SLC3A2: variants seen among roughly 807,000 people sequenced by gnomAD.
SLC3A2 encodes the protein solute carrier family 3 member 2, also known as amino acid transporter heavy chain SLC3A2.
A neutral mutation model predicts 48.5 loss-of-function variants in SLC3A2; 32 were observed. The ratio of observed to expected loss-of-function variants is 0.66; its 90% CI spans 0.50 to 0.89. The LOEUF (loss-of-function observed/expected upper bound fraction) is 0.89. Among genes scored for constraint, SLC3A2 ranks in the 40% least tolerant of loss-of-function variants. SLC3A2 has a pLI of 0.00. For synonymous variants in SLC3A2, 277 were observed against 288.8 expected, an observed-to-expected ratio of 0.96 and a Z score of 0.41; for missense variants, 587 against 680.7, an observed-to-expected ratio of 0.86 and a Z score of 1.53.
At chr11:62,873,259 C>T (rs749525869) in intron 1 of SLC3A2, among the ~76,000 whole-genome samples, 6 of 151,844 alleles carry the variant, frequency 4.0e-5, no homozygotes, top group South Asian at 4.2e-4. Context: ...GAGGCCAAGT[C>T]GGGCAGATCA....
chr11:62,880,210 T>G (rs967484677), upstream of SLC3A2, among the ~76,000 whole-genome samples: 1 of 152,214 alleles, frequency 6.6e-6, no homozygotes, highest in Non-Finnish European at 1.5e-5. Flanking sequence ...AAACCATTCA[T>G]TTTAAAGTAC....
chr11:62,879,928 C>T (rs1028508447), upstream of SLC3A2, among the ~76,000 whole-genome samples: 2 of 152,194 alleles, frequency 1.3e-5, no homozygotes, highest in African/African-American at 4.8e-5. Flanking sequence ...CCTCCAAGGC[C>T]TAACATAGTG....
At chr11:62,863,027 T>C (rs2085418429) in intron 1 of SLC3A2, among the ~76,000 whole-genome samples, 1 of 152,270 alleles carries the variant, frequency 6.6e-6, no homozygotes, top group East Asian at 1.9e-4. Flanking sequence ...GTTCAAGCGA[T>C]TCTCTTGCCT....
intron 5 of SLC3A2, among the ~76,000 whole-genome samples, 154 bp from the exon 6 acceptor site, chr11:62,885,023 G>T (rs905754308): frequency 6.6e-6 from 1 of 151,682 alleles, no homozygotes; most frequent in African/African-American, 2.4e-5. Flanking sequence ...TAGAGACGGG[G>T]TTTCTCCATG....
chr11:62,882,770 G>A, intron 2 of SLC3A2, 138 bp from the exon 3 acceptor site: 1 of 724,948 alleles, frequency 1.4e-6, no homozygotes, highest in Non-Finnish European at 2.4e-6. Context: ...TCAATGGAAT[G>A]AATTTTGCCC....
upstream of SLC3A2, chr11:62,880,411 G>C (rs940679956): frequency 6.6e-6 from 1 of 152,532 alleles, no homozygotes; most frequent in Non-Finnish European, 1.5e-5. Context: ...AAGTCCCAGA[G>C]GCCTGAGAGG....
intron 1 of SLC3A2, among the ~76,000 whole-genome samples, chr11:62,857,350 A>G (rs1048300519): frequency 7.4e-5 from 11 of 149,492 alleles, no homozygotes; most frequent in Admixed American, 7.3e-4. Flanking sequence ...CTCTCGAACT[A>G]CTGACCTCAG....
At chr11:62,859,327 CAT>C (rs2085373154) in intron 1 of SLC3A2, among the ~76,000 whole-genome samples, 1 of 152,196 alleles carries the variant, frequency 6.6e-6, no homozygotes, top group Non-Finnish European at 1.5e-5. Flanking sequence ...TGACACAGCA[CAT>C]GTTTCAGAGA....
chr11:62,866,049 A>G (rs1219628074), intron 1 of SLC3A2, among the ~76,000 whole-genome samples: 1 of 151,320 alleles, frequency 6.6e-6, no homozygotes, highest in Non-Finnish European at 1.5e-5. Context: ...TTCTTGGAAC[A>G]CCATTCTCTG....
At chr11:62,860,693 T>C (rs114168571) in intron 1 of SLC3A2, among the ~76,000 whole-genome samples, 2,641 of 152,226 alleles carry the variant, frequency 0.017, 73 homozygotes, top group African/African-American at 0.059. Context: ...GTCAGGTCTT[T>C]CCATTCCCAT....
upstream of SLC3A2, chr11:62,876,843 C>T: frequency 4.4e-6 from 4 of 899,746 alleles, no homozygotes; most frequent in Non-Finnish European, 5.8e-6. Context: ...CTCAATTGAT[C>T]CGACTGCCTC....
chr11:62,882,188 G>A (rs1281397616), intron 2 of SLC3A2, 122 bp downstream of exon 2: 1 of 1,146,904 alleles, frequency 8.7e-7, no homozygotes, highest in Non-Finnish European at 1.3e-6. Context: ...CAGGTAGAGG[G>A]GAGATTTGTT....
At chr11:62,861,806 T>G (rs1048720996) in intron 1 of SLC3A2, among the ~76,000 whole-genome samples, 8 of 150,242 alleles carry the variant, frequency 5.3e-5, no homozygotes, top group African/African-American at 2.0e-4. Context: ...TTCGAGCTAC[T>G]CAGGAGGCTG....
At chr11:62,859,150 A>T in intron 1 of SLC3A2, among the ~76,000 whole-genome samples, 1 of 152,134 alleles carries the variant, frequency 6.6e-6, no homozygotes. Flanking sequence ...AACCTTGGAC[A>T]ATACCTGGCT....
chr11:62,856,973 G>C (rs1483990315), intron 1 of SLC3A2, among the ~76,000 whole-genome samples: 1 of 151,602 alleles, frequency 6.6e-6, no homozygotes, highest in African/African-American at 2.4e-5. Context: ...ACAGGCATGC[G>C]CCACTGTGAC....
chr11:62,864,826 T>C (rs1478903243), intron 1 of SLC3A2, among the ~76,000 whole-genome samples: 1 of 151,160 alleles, frequency 6.6e-6, no homozygotes, highest in Non-Finnish European at 1.5e-5. Flanking sequence ...TGGAGTGCAG[T>C]GGTGCAATCT....
At chr11:62,870,480 G>C (rs915641981) in intron 1 of SLC3A2, among the ~76,000 whole-genome samples, 2 of 151,866 alleles carry the variant, frequency 1.3e-5, no homozygotes, top group African/African-American at 2.4e-5. Context: ...CACCGCGCCT[G>C]GCCTATTTGA....
At position 62,888,219 on chromosome 11, in the gene SLC3A2, G is replaced by A; in HGVS notation, c.1227+1G>A. On this transcript the variant is annotated splice_donor_variant, in intron 8 of 8. Coordinates refer to ENST00000338663, the MANE Select transcript of SLC3A2 (RefSeq NM_001013251.3). LOFTEE classifies it high-confidence loss of function. ...TGTAAGTGCCAACATGACTGTGAAG[G>A]TAAGAGTTCTAGATGGGTAGAAACT... 6.2e-7 allele frequency: 1 copy of A among 1,614,086 alleles called. No homozygotes were observed. The highest frequency in any genetic ancestry group is 8.5e-7 in the Non-Finnish European group (1 of 1,179,954).
At chr11:62,871,952 G>A (rs183780280) in intron 1 of SLC3A2, among the ~76,000 whole-genome samples, 2,161 of 151,912 alleles carry the variant, frequency 0.014, 30 homozygotes, top group South Asian at 0.038. Context: ...TTGCTCTGTC[G>A]CCCAGGCTGG....
Sources: allele counts gnomAD v4.1 joint callset (sites outside exome capture counted in the v4.1 genomes callset), GRCh38; gene constraint gnomAD v4.1.1; transcripts MANE v1.5; gene names NCBI Gene and HGNC (gene_info 2026-07-23, HGNC 2026-07-21).